Variants in PARD3 observed in about 807,000 individuals in gnomAD.
PARD3 encodes the protein partitioning defective 3 homolog.
A neutral mutation model predicts 155.4 loss-of-function variants in PARD3; 75 were observed. The ratio of observed to expected loss-of-function variants is 0.48; its 90% confidence interval spans 0.40 to 0.58. The LOEUF is 0.58. Ranked by LOEUF, PARD3 falls within the 20% of genes least tolerant of loss-of-function variation. The pLI, the probability that PARD3 is intolerant of heterozygous loss-of-function variation, is 0.00. For synonymous variants in PARD3, 576 were observed against 610.5 expected, an observed-to-expected ratio of 0.94 and a Z score of 0.83; for missense variants, 1,642 against 1,721.7, an observed-to-expected ratio of 0.95 and a Z score of 0.82.
intron 2 of PARD3, among the ~76,000 whole-genome samples, chr10:34,591,069 T>G (rs2088634125): frequency 6.6e-6 from 1 of 152,048 alleles, no homozygotes; most frequent in African/African-American, 2.4e-5. Context: ...AAAACACACC[T>G]GCACACCATT....
chr10:34,183,306 C>T (rs1268401317), intron 22 of PARD3, among the ~76,000 whole-genome samples: 2 of 152,192 alleles, frequency 1.3e-5, no homozygotes, highest in African/African-American at 2.4e-5. Flanking sequence ...CAGCTCACCA[C>T]AGCCTCCACC....
intron 2 of PARD3, among the ~76,000 whole-genome samples, chr10:34,676,571 G>A (rs972667909): frequency 5.9e-5 from 9 of 152,138 alleles, no homozygotes; most frequent in African/African-American, 2.2e-4. Context: ...ATGTTTACAA[G>A]GGCAGAACAT....
chr10:34,777,397 T>C (rs1006720842), intron 1 of PARD3, among the ~76,000 whole-genome samples: 3 of 152,148 alleles, frequency 2.0e-5, no homozygotes, highest in African/African-American at 7.2e-5. Context: ...TGCAGCCCCA[T>C]GTCCTCACAT....
intron 2 of PARD3, among the ~76,000 whole-genome samples, chr10:34,637,072 A>G (rs374348255): frequency 9.8e-4 from 149 of 152,340 alleles, no homozygotes; most frequent in African/African-American, 3.4e-3. Context: ...AAGTACAATT[A>G]TACCCTATTG....
At chr10:34,736,540 A>C (rs1395595839) in intron 1 of PARD3, among the ~76,000 whole-genome samples, 2 of 152,104 alleles carry the variant, frequency 1.3e-5, no homozygotes, top group African/African-American at 4.8e-5. Flanking sequence ...AAATGAAACA[A>C]AAATAGATCA....
At chr10:34,314,850 T>C (rs1372284093) in intron 20 of PARD3, among the ~76,000 whole-genome samples, 1 of 152,242 alleles carries the variant, frequency 6.6e-6, no homozygotes, top group Non-Finnish European at 1.5e-5. Context: ...AGATAATGTA[T>C]TTAATTTTTA....
At chr10:34,800,771 A>G (rs886926063) in intron 1 of PARD3, among the ~76,000 whole-genome samples, 2 of 151,998 alleles carry the variant, frequency 1.3e-5, no homozygotes, top group African/African-American at 4.8e-5. Context: ...CTTCCCAACA[A>G]CCTCCTAAAC....
chr10:34,541,876 G>GT (rs2083633510), intron 2 of PARD3, among the ~76,000 whole-genome samples: 1 of 151,864 alleles, frequency 6.6e-6, no homozygotes. Context: ...ACCCACATAC[G>GT]TTTTTTGGGT....
At chr10:34,632,264 G>A (rs143858666) in intron 2 of PARD3, among the ~76,000 whole-genome samples, 1 of 152,290 alleles carries the variant, frequency 6.6e-6, no homozygotes, top group Admixed American at 6.5e-5. Context: ...GTCTCAAAAA[G>A]AGGACCTCAG....
chr10:34,432,337 T>TACACACACACATAC (rs1554855750), intron 5 of PARD3, among the ~76,000 whole-genome samples: 1 of 143,456 alleles, frequency 7.0e-6, no homozygotes, highest in African/African-American at 2.6e-5. Flanking sequence ...CACGTGCACA[T>TACACACACACATAC]ACACACACAC....
At chr10:34,352,615 G>A (rs1004439660) in intron 14 of PARD3, among the ~76,000 whole-genome samples, 3 of 152,240 alleles carry the variant, frequency 2.0e-5, no homozygotes, top group South Asian at 2.1e-4. Context: ...CCGAGGTGCC[G>A]GGATTGCAGA....
intron 9 of PARD3, among the ~76,000 whole-genome samples, chr10:34,378,841 CTGAT>C (rs1436584105): frequency 6.6e-6 from 1 of 152,132 alleles, no homozygotes; most frequent in Non-Finnish European, 1.5e-5. Context: ...ATAAATTACT[CTGAT>C]GATTCACAGA....
chr10:34,567,824 C>G (rs2086079604), intron 2 of PARD3, among the ~76,000 whole-genome samples: 1 of 152,224 alleles, frequency 6.6e-6, no homozygotes, highest in Non-Finnish European at 1.5e-5. Flanking sequence ...ATAGATGTGA[C>G]ATGAACAATT....
At chr10:34,771,238 G>C (rs955688029) in intron 1 of PARD3, among the ~76,000 whole-genome samples, 1 of 152,222 alleles carries the variant, frequency 6.6e-6, no homozygotes, top group Non-Finnish European at 1.5e-5. Context: ...AATGTGCTGG[G>C]CACAATGGTT....
intron 22 of PARD3, among the ~76,000 whole-genome samples, chr10:34,211,668 T>C (rs576240834): frequency 2.0e-5 from 3 of 151,962 alleles, no homozygotes; most frequent in Non-Finnish European, 4.4e-5. Context: ...TAATCCCAGC[T>C]ACTGGGGAGC....
At chr10:34,467,891 C>T (rs934641582) in intron 4 of PARD3, among the ~76,000 whole-genome samples, 1 of 152,206 alleles carries the variant, frequency 6.6e-6, no homozygotes, top group Admixed American at 6.5e-5. Flanking sequence ...ACTTCCCAGG[C>T]TCTTCTGCAG....
In PARD3 at chr10:34,608,474, G is replaced by A. The variant is rs577490306; in HGVS notation, c.222+87844C>T. On this transcript the variant is annotated intron_variant, in intron 2 of 24. Transcript: ENST00000374788. ...CTGTATCCATGCATTCTGCATCTAT[G>A]AATTCAACCAATCTCAGATTGAAAA... Among the ~76,000 whole-genome samples, 157 of 150,838 alleles carry A rather than the reference G, an allele frequency of 1.0e-3. 1 individual carries two copies. The highest frequency in any genetic ancestry group is 3.7e-3 in the African/African-American group (153 of 40,970).
At chr10:34,134,400 A>G (rs1338280528) in intron 22 of PARD3, among the ~76,000 whole-genome samples, 1 of 152,236 alleles carries the variant, frequency 6.6e-6, no homozygotes, top group Non-Finnish European at 1.5e-5. Flanking sequence ...CATGCAGCAC[A>G]GAGAGTTTTA....
intron 19 of PARD3, among the ~76,000 whole-genome samples, chr10:34,321,964 C>G (rs534752572): frequency 2.0e-5 from 3 of 152,078 alleles, no homozygotes; most frequent in African/African-American, 2.4e-5. Context: ...GTCTATTTCC[C>G]CCCCCCATTG....
Sources: gnomAD v4.1 joint callset for allele counts (sites outside exome capture counted in the v4.1 genomes callset) on GRCh38, gnomAD v4.1.1 for gene constraint, MANE v1.5 for transcripts, NCBI Gene and HGNC (gene_info 2026-07-23, HGNC 2026-07-21) for gene names.